Variants in HDAC9 observed in about 807,000 individuals in gnomAD.
The protein encoded by HDAC9 is MEF-2 interacting transcription repressor (MITR) protein.
A neutral mutation model predicts 139.4 loss-of-function variants in HDAC9; 41 were observed. That is an observed-to-expected ratio of 0.29 (90% CI 0.23 to 0.38). HDAC9 has a LOEUF of 0.38. Ranked by LOEUF, HDAC9 falls within the 10% of genes least tolerant of loss-of-function variation. The pLI is 1.00. For synonymous variants in HDAC9, 517 were observed against 476.2 expected (o/e 1.09, Z -1.12); for missense variants, 1,147 against 1,297.0 (o/e 0.88, Z 1.78).
chr7:18,095,065 C>T (rs1182244509), intron 1 of HDAC9, among the ~76,000 whole-genome samples: 1 of 152,010 alleles, frequency 6.6e-6, no homozygotes, highest in Non-Finnish European at 1.5e-5. Context: ...GAAAGAGAAC[C>T]GTGTAGCATA....
At chr7:18,717,863 A>G (rs1307330104) in intron 12 of HDAC9, among the ~76,000 whole-genome samples, 1 of 152,250 alleles carries the variant, frequency 6.6e-6, no homozygotes. Context: ...ATAGAAATTA[A>G]GAAAGGAGAT....
intron 1 of HDAC9, among the ~76,000 whole-genome samples, chr7:18,396,079 A>ATTCCCTTCCCTTCCTTTCCC (rs1787006609): frequency 1.3e-4 from 6 of 46,444 alleles, no homozygotes; most frequent in Middle Eastern, 0.01. Context: ...TCAAAGTGTC[A>ATTCCCTTCCCTTCCTTTCCC]TTCCCTTCCC....
In HDAC9 at chr7:18,606,372, G is replaced by C. The variant is rs186174805; in HGVS notation, c.664+12343G>C. ...TTAAAACTCAACTTTTTCATTTTTTGAGGTGACAAATTCATATTTGAGCAA... is the reference window on the plus strand; with the variant it reads ...TTAAAACTCAACTTTTTCATTTTTTCAGGTGACAAATTCATATTTGAGCAA... On this transcript the variant is annotated intron_variant, in intron 6 of 25. Transcript: ENST00000686413. Among the ~76,000 whole-genome samples the C allele has an allele frequency of 1.2e-3, 186 of 152,080 alleles. 1 individual carries two copies. The highest frequency in any genetic ancestry group is 4.4e-3 in the African/African-American group (183 of 41,512).
At chr7:18,287,645 C>T (rs1458118383), upstream of HDAC9, among the ~76,000 whole-genome samples, 2 of 152,212 alleles carry the variant, frequency 1.3e-5, no homozygotes, top group Non-Finnish European at 2.9e-5. Flanking sequence ...CTTAGCCAGC[C>T]AGAGCATGCA....
chr7:18,602,344 C>CA (rs1834182370), intron 6 of HDAC9, among the ~76,000 whole-genome samples: 1 of 151,144 alleles, frequency 6.6e-6, no homozygotes, highest in Non-Finnish European at 1.5e-5. Context: ...TTCTCTCTTA[C>CA]TTTTTTTTTC....
intron 22 of HDAC9, among the ~76,000 whole-genome samples, chr7:18,918,434 C>T (rs60949990): frequency 6.6e-6 from 1 of 151,924 alleles, no homozygotes; most frequent in South Asian, 2.1e-4. Context: ...CTGTTAATAA[C>T]AGAGTATTAT....
At chr7:18,700,318 C>A (rs1175703573) in intron 12 of HDAC9, among the ~76,000 whole-genome samples, 2 of 152,160 alleles carry the variant, frequency 1.3e-5, no homozygotes, top group African/African-American at 4.8e-5. Flanking sequence ...TTGTCTTTAT[C>A]GTCTTAACTT....
intron 19 of HDAC9, among the ~76,000 whole-genome samples, chr7:18,832,081 C>T (rs1290235736): frequency 1.3e-5 from 2 of 152,286 alleles, no homozygotes; most frequent in East Asian, 1.9e-4. Flanking sequence ...GAGGCAGATC[C>T]CAAACATATT....
chr7:18,605,475 T>C (rs975607185), intron 6 of HDAC9, among the ~76,000 whole-genome samples: 2 of 152,214 alleles, frequency 1.3e-5, no homozygotes, highest in African/African-American at 4.8e-5. Flanking sequence ...GAATCCTTCG[T>C]GTGTATTTCA....
Position 18,235,621 on chromosome 7 carries a change from C to A in HDAC9, c.25+73272C>A, listed in dbSNP as rs548357405. The stretch of plus-strand genomic sequence containing the variant: ...ACTTAGGCTGATTGGAAGTTATTTG[C>A]ATCATAACTTAACTTTAATCCTTAA... On this transcript the variant is annotated intron_variant, in intron 2 of 12. Transcript: ENST00000417496. 2.0e-5 allele frequency among the ~76,000 whole-genome samples: 3 copies of A among 152,290 alleles called. No homozygotes were observed. In the East Asian group the frequency reaches 5.8e-4, roughly 29 times the overall value.
At chr7:18,695,430 G>C (rs1782974832) in intron 12 of HDAC9, among the ~76,000 whole-genome samples, 1 of 152,132 alleles carries the variant, frequency 6.6e-6, no homozygotes, top group Admixed American at 6.5e-5. Context: ...GTGTTTATAT[G>C]ACACAGTCCA....
At chr7:18,750,964 C>T (rs182839588) in intron 14 of HDAC9, among the ~76,000 whole-genome samples, 1 of 152,206 alleles carries the variant, frequency 6.6e-6, no homozygotes, top group African/African-American at 2.4e-5. Flanking sequence ...CTGATCATAG[C>T]CTTCGAATGC....
chr7:18,147,976 T>C lies in HDAC9; in HGVS notation c.-96-14253T>C, dbSNP rs141460162. The stretch of plus-strand genomic sequence containing the variant: ...TCTAATATATAAACTGCTACAGTTT[T>C]CACATATTCATTCTCCTGTTGATGG... On this transcript the variant is annotated intron_variant, in intron 1 of 12. Transcript: ENST00000417496. Among the ~76,000 whole-genome samples the C allele has an allele frequency of 6.2e-3, 947 of 152,322 alleles. 10 individuals are homozygous for C. Among genetic ancestry groups the C allele is most frequent in the African/African-American group, 0.022 (925 of 41,572 alleles).
rs1162946235 is a variant in HDAC9 at position 18,272,504 on chromosome 7, T to C, written c.25+110155T>C. ...AATTTAAAATGTTTAATGAGATGTG[T>C]ATAGAAGGATCAAAAAGATATATTT... On this transcript the variant is annotated intron_variant, in intron 2 of 12. Coordinates refer to the HDAC9 transcript ENST00000417496. Among the ~76,000 whole-genome samples, 3 of 152,232 alleles carry C rather than the reference T, an allele frequency of 2.0e-5. No individual in the cohort carries two copies. The East Asian group carries it at 5.8e-4, about 29-fold the overall frequency.
chr7:18,465,526 A>T (rs1017942249), intron 1 of HDAC9, among the ~76,000 whole-genome samples: 2 of 152,190 alleles, frequency 1.3e-5, no homozygotes, highest in African/African-American at 4.8e-5. Flanking sequence ...AAAGAGCAGA[A>T]TGTAAACAAT....
chr7:18,086,996 T>C (rs1228437258), exon 1 of HDAC9: 1 of 150,358 alleles, frequency 6.7e-6, no homozygotes, highest in Non-Finnish European at 1.5e-5. Context: ...TCTCGCCGCT[T>C]TCGCCGCGGT....
chr7:18,291,558 T>C (rs561492242), intron 1 of HDAC9, among the ~76,000 whole-genome samples: 18 of 152,054 alleles, frequency 1.2e-4, no homozygotes, highest in Non-Finnish European at 2.1e-4. Context: ...ATTAGAGTGA[T>C]GGTAGGGTTG....
intron 1 of HDAC9, among the ~76,000 whole-genome samples, chr7:18,430,158 A>C (rs1204059988): frequency 6.6e-6 from 1 of 152,202 alleles, no homozygotes; most frequent in Non-Finnish European, 1.5e-5. Flanking sequence ...ACCCAATTTG[A>C]ATTTATAGCT....
chr7:18,543,886 GAA>G (rs111903866), intron 2 of HDAC9, among the ~76,000 whole-genome samples: 5,425 of 118,830 alleles, frequency 0.046, 324 homozygotes, highest in African/African-American at 0.15. Context: ...TGTATTTTAG[GAA>G]AAAAAAAAAA....
Sources: allele counts gnomAD v4.1 joint callset (sites outside exome capture counted in the v4.1 genomes callset), GRCh38; gene constraint gnomAD v4.1.1; transcripts MANE v1.5; gene names NCBI Gene and HGNC (gene_info 2026-07-23, HGNC 2026-07-21).